The following EGFLAM variants were observed in gnomAD, a reference collection of about 807,000 sequenced individuals.
EGFLAM encodes EGF like, fibronectin type III and laminin G domains.
Under a neutral mutation model 113.1 loss-of-function variants are expected in EGFLAM, and 79 were observed. The ratio of observed to expected loss-of-function variants is 0.70; its 90% CI spans 0.58 to 0.84. The LOEUF (loss-of-function observed/expected upper bound fraction) is 0.84, where lower values mean the gene tolerates loss of function less well. Ranked by LOEUF, EGFLAM falls within the 40% of genes least tolerant of loss-of-function variation. The pLI is 0.00. For missense variants in EGFLAM, 1,265 were observed against 1,291.6 expected (o/e 0.98, Z 0.32); for synonymous variants, 504 against 487.6 (o/e 1.03, Z -0.44).
intron 12 of EGFLAM, among the ~76,000 whole-genome samples, chr5:38,421,624 A>G (rs1174478302): frequency 6.6e-6 from 1 of 152,248 alleles, no homozygotes; most frequent in African/African-American, 2.4e-5. Flanking sequence ...TGCCATGTGG[A>G]GAGACCAAAT....
At chr5:38,448,491 C>A (rs1291638820) in intron 18 of EGFLAM, 112 bp downstream of exon 18, 4 of 1,105,270 alleles carry the variant, frequency 3.6e-6, no homozygotes, top group South Asian at 1.4e-5. Flanking sequence ...CAAAGAAGAC[C>A]ATTCAGCCAT....
At position 38,328,188 on chromosome 5, in the gene EGFLAM, G is replaced by C. The variant is rs78443709; in HGVS notation, c.98-9332G>C. The stretch of plus-strand genomic sequence containing the variant: ...ATGGCAGAAGGCAAAGGGGAAAGCA[G>C]GCAATGTCTTACGTGGCCAGAGCAG... On this transcript the variant is annotated intron_variant, in intron 1 of 21. Transcript: ENST00000322350. 8.5e-5 allele frequency among the ~76,000 whole-genome samples: 13 copies of C among 152,280 alleles called. No homozygotes were observed. In the South Asian group the frequency reaches 2.7e-3, roughly 32 times the overall value.
intron 11 of EGFLAM, among the ~76,000 whole-genome samples, chr5:38,414,038 G>C (rs1017383430): frequency 6.6e-6 from 1 of 152,190 alleles, no homozygotes; most frequent in Non-Finnish European, 1.5e-5. Flanking sequence ...TGCGCACCCT[G>C]CTTCCTAACA....
chr5:38,432,596 G>A (rs964981602), intron 15 of EGFLAM, among the ~76,000 whole-genome samples: 14 of 152,168 alleles, frequency 9.2e-5, no homozygotes, highest in Non-Finnish European at 1.6e-4. Context: ...TCTAACAGCC[G>A]ACTTTAGTCC....
At chr5:38,288,070 G>A (rs1335569162) in intron 1 of EGFLAM, among the ~76,000 whole-genome samples, 2 of 152,160 alleles carry the variant, frequency 1.3e-5, no homozygotes, top group African/African-American at 4.8e-5. Flanking sequence ...TCTGATTACA[G>A]ATTACAGAAC....
chr5:38,432,241 A>T (rs567566451), intron 15 of EGFLAM, among the ~76,000 whole-genome samples: 38 of 152,274 alleles, frequency 2.5e-4, no homozygotes, highest in African/African-American at 7.2e-4. Flanking sequence ...AAGCAAATAG[A>T]CTAGTAGAAA....
intron 1 of EGFLAM, among the ~76,000 whole-genome samples, chr5:38,279,495 G>C (rs1447247401): frequency 6.6e-6 from 1 of 152,106 alleles, no homozygotes; most frequent in Non-Finnish European, 1.5e-5. Flanking sequence ...AACAGATAAA[G>C]AAAATGTGGC....
intron 15 of EGFLAM, 26 bp from the exon 16 acceptor site, chr5:38,435,111 A>G (rs1248131746): frequency 6.3e-7 from 1 of 1,594,066 alleles, no homozygotes; most frequent in East Asian, 2.2e-5. Flanking sequence ...AAGTCATACA[A>G]TGCTTTGTTT....
chr5:38,373,763 T>G (rs958104589), intron 6 of EGFLAM, among the ~76,000 whole-genome samples: 2 of 152,220 alleles, frequency 1.3e-5, no homozygotes, highest in African/African-American at 4.8e-5. Context: ...TTTCTTTTCT[T>G]TTGGGTAGAT....
intron 12 of EGFLAM, among the ~76,000 whole-genome samples, chr5:38,419,729 A>C (rs1741767115): frequency 6.6e-6 from 1 of 152,170 alleles, no homozygotes; most frequent in African/African-American, 2.4e-5. Context: ...GCCTTACTTT[A>C]CAGATAAGAA....
Position 38,288,099 on chromosome 5 carries a change from G to C in EGFLAM, c.97+29248G>C, listed in dbSNP as rs563433060. Among the ~76,000 whole-genome samples, 48 of 152,076 alleles carry C rather than the reference G, an allele frequency of 3.2e-4. No individual in the cohort carries two copies. In the South Asian group the frequency reaches 4.8e-3, roughly 15 times the overall value. ...ACAGAACTAATTATAAAGCTGAAAGGTACATTATGAACTGCTTTTTCAGTG... is the reference window on the plus strand; with the variant it reads ...ACAGAACTAATTATAAAGCTGAAAGCTACATTATGAACTGCTTTTTCAGTG... On this transcript the variant is annotated intron_variant, in intron 1 of 21. Transcript: ENST00000322350.
chr5:38,320,949 A>G (rs1034762029), intron 1 of EGFLAM, among the ~76,000 whole-genome samples: 4 of 151,938 alleles, frequency 2.6e-5, no homozygotes, highest in African/African-American at 9.7e-5. Flanking sequence ...AAGTTCCCCG[A>G]CCTTTTTGAC....
intron 6 of EGFLAM, among the ~76,000 whole-genome samples, chr5:38,380,880 C>T (rs1227222000): frequency 6.6e-6 from 1 of 152,112 alleles, no homozygotes; most frequent in Non-Finnish European, 1.5e-5. Context: ...TATTTTACCC[C>T]CTCTGGCTAG....
At position 38,352,313 on chromosome 5, in the gene EGFLAM, A is replaced by G. The variant is rs551049903; in HGVS notation, c.527A>G (p.Tyr176Cys). 1.9e-6 allele frequency: 3 copies of G among 1,613,988 alleles called. No individual in the cohort carries two copies. In the South Asian group the frequency reaches 3.3e-5, roughly 18 times the overall value. The change falls in exon 5 of 22, where the codon TAT becomes TGT. Residue 176 changes from tyrosine (Y) to cysteine (C), a missense_variant. Coordinates refer to ENST00000322350, the MANE Select transcript of EGFLAM (RefSeq NM_152403.4). ...GAAGGAAGCGCCCCTATTCAGTACT[A>G]TTCTGTGGAATTCATCAGGTAAGTC... ...ASEGSAPIQY[Y>C]SVEFIRPDFD...
At chr5:38,400,212 T>C (rs996617624) in intron 6 of EGFLAM, among the ~76,000 whole-genome samples, 2 of 152,238 alleles carry the variant, frequency 1.3e-5, no homozygotes, top group African/African-American at 4.8e-5. Flanking sequence ...AACTACATCA[T>C]GTTGATATAG....
At chr5:38,460,888 G>C (rs751344470) in intron 20 of EGFLAM, 2 of 152,216 alleles carry the variant, frequency 1.3e-5, no homozygotes, top group Non-Finnish European at 2.9e-5. Flanking sequence ...TTGCTCTGGG[G>C]CATCCTGCTC....
At chr5:38,385,560 G>C (rs890005074) in intron 6 of EGFLAM, among the ~76,000 whole-genome samples, 5 of 152,034 alleles carry the variant, frequency 3.3e-5, no homozygotes, top group African/African-American at 1.2e-4. Context: ...TTTGGATGTG[G>C]GTTAGTTGAA....
At chr5:38,323,642 A>G (rs1382100010) in intron 1 of EGFLAM, among the ~76,000 whole-genome samples, 3 of 152,092 alleles carry the variant, frequency 2.0e-5, no homozygotes, top group African/African-American at 7.2e-5. Context: ...TAAGTGGCCT[A>G]CTACTTAGAT....
At chr5:38,444,510 T>C (rs1742645209) in intron 17 of EGFLAM, among the ~76,000 whole-genome samples, 1 of 152,244 alleles carries the variant, frequency 6.6e-6, no homozygotes, top group Non-Finnish European at 1.5e-5. Context: ...GGGATGGATA[T>C]GCTAATTACC....
Sources: allele counts gnomAD v4.1 joint callset (sites outside exome capture counted in the v4.1 genomes callset), GRCh38; gene constraint gnomAD v4.1.1; transcripts MANE v1.5; gene names NCBI Gene and HGNC (gene_info 2026-07-23, HGNC 2026-07-21).